Variants in RNF13 observed in about 807,000 individuals in gnomAD.
The protein encoded by RNF13 is ring finger protein 13, also known as E3 ubiquitin-protein ligase RNF13.
A neutral mutation model predicts 37.7 loss-of-function variants in RNF13; 19 were observed. The ratio of observed to expected loss-of-function variants is 0.50; its 90% CI spans 0.35 to 0.74. The LOEUF is 0.74. RNF13 is among the 30% of genes least tolerant of loss of function. The pLI, the probability that RNF13 is intolerant of heterozygous loss-of-function variation, is 0.01. For missense variants in RNF13, 375 were observed against 453.0 expected (o/e 0.83, Z 1.56); for synonymous variants, 144 against 157.8 (o/e 0.91, Z 0.65).
intron 1 of RNF13, among the ~76,000 whole-genome samples, chr3:149,822,927 GT>G (rs1157382084): frequency 9.9e-5 from 15 of 152,018 alleles, no homozygotes; most frequent in African/African-American, 3.6e-4. Context: ...ATATACATTA[GT>G]TTTTCTGTTT....
intron 4 of RNF13, among the ~76,000 whole-genome samples, chr3:149,875,885 C>G (rs1434907400): frequency 1.6e-3 from 3 of 1,878 alleles, no homozygotes; most frequent in African/African-American, 0.011. Context: ...TGATGCTGTT[C>G]TTTACTGTGA....
At chr3:149,879,825 A>G (rs1713174767) in intron 4 of RNF13, among the ~76,000 whole-genome samples, 1 of 152,212 alleles carries the variant, frequency 6.6e-6, no homozygotes, top group Admixed American at 6.5e-5. Context: ...GTCTCTTTGT[A>G]AGGCCAGAAC....
intron 1 of RNF13, among the ~76,000 whole-genome samples, chr3:149,819,192 A>G (rs1053060577): frequency 6.6e-6 from 1 of 152,252 alleles, no homozygotes; most frequent in Admixed American, 6.5e-5. Flanking sequence ...TCACTAACGT[A>G]GATAATATAG....
Position 149,814,203 on chromosome 3 carries a change from A to G in RNF13, c.-17+850A>G, listed in dbSNP as rs538932087. The G allele has an allele frequency of 3.9e-5, 6 of 152,342 alleles. No individual in the cohort carries two copies. The South Asian group carries it at 1.2e-3, about 32-fold the overall frequency. 9.4% of individuals were successfully genotyped at this position (152,342 alleles called of 1,614,324 possible). ...CAGCAGAAACAGTGAAAACTGATGC[A>G]TTCCTTTCAACAATGATGTGTTTGT... On this transcript the variant is annotated intron_variant, in intron 1 of 9. Transcript: ENST00000392894.
intron 4 of RNF13, 117 bp from the exon 5 acceptor site, chr3:149,895,356 G>C (rs752657772): frequency 2.1e-4 from 132 of 626,998 alleles, no homozygotes; most frequent in East Asian, 1.1e-3. Context: ...TCCTTTTAAT[G>C]TTTTAGCTTG....
intron 4 of RNF13, among the ~76,000 whole-genome samples, chr3:149,873,973 T>G (rs544749377): frequency 6.6e-6 from 1 of 152,304 alleles, no homozygotes; most frequent in African/African-American, 2.4e-5. Context: ...TGTAATAGTC[T>G]TTTGCTTATG....
At chr3:149,942,563 C>T (rs1194414795) in intron 8 of RNF13, among the ~76,000 whole-genome samples, 1 of 152,018 alleles carries the variant, frequency 6.6e-6, no homozygotes, top group Non-Finnish European at 1.5e-5. Flanking sequence ...TATAGAAATG[C>T]AATTTTTGAA....
intron 8 of RNF13, among the ~76,000 whole-genome samples, chr3:149,944,606 C>A (rs1423317695): frequency 6.6e-6 from 1 of 152,204 alleles, no homozygotes; most frequent in Non-Finnish European, 1.5e-5. Flanking sequence ...TCAATGTCTT[C>A]TTTTGAAAAG....
Position 149,886,653 on chromosome 3 carries a change from A to G in RNF13, c.322-8820A>G, listed in dbSNP as rs541088176. On this transcript the variant is annotated intron_variant, in intron 4 of 9. Transcript: ENST00000392894. ...CTGTACAATACTAAATAGAAGGGCC[A>G]AGAGTGGAATTCTTGTCTTTCTGAT... Among the ~76,000 whole-genome samples the G allele has an allele frequency of 2.2e-4, 33 of 152,298 alleles. 1 individual carries two copies. In the East Asian group the frequency reaches 6.4e-3, roughly 29 times the overall value.
In RNF13 at chr3:149,960,121, C is replaced by G; in HGVS notation, c.766C>G (p.Leu256Val). The G allele has an allele frequency of 6.2e-7, 1 of 1,606,556 alleles. No individual in the cohort carries two copies. Among genetic ancestry groups the G allele is most frequent in the Non-Finnish European group, 8.5e-7 (1 of 1,173,210 alleles). Residue 256 changes from leucine (L) to valine (V), a missense_variant, in exon 9 of 10, where the codon CTT (leucine) becomes GTT (valine). Leu to Val is a conservative substitution (Grantham distance 32, BLOSUM62 1). Coordinates refer to ENST00000392894, the MANE Select transcript of RNF13 (RefSeq NM_183381.3). ...TGAAGATGGAGACAAACTCAGAATC[C>G]TTCCCTGTTCCCATGGTATGAGTAA... ...EYEDGDKLRI[L>V]PCSHAYHCKC...
At chr3:149,921,793 A>T (rs998291428) in intron 8 of RNF13, among the ~76,000 whole-genome samples, 27 of 152,302 alleles carry the variant, frequency 1.8e-4, no homozygotes, top group Non-Finnish European at 2.5e-4. Flanking sequence ...AGCATGATTT[A>T]TAATCATTTG....
intron 1 of RNF13, among the ~76,000 whole-genome samples, chr3:149,821,140 G>C (rs1012849224): frequency 7.2e-5 from 11 of 152,104 alleles, no homozygotes; most frequent in Admixed American, 5.9e-4. Flanking sequence ...TTGTGTCCAA[G>C]GATTTATTTG....
intron 5 of RNF13, among the ~76,000 whole-genome samples, chr3:149,900,631 T>C: frequency 6.6e-6 from 1 of 152,240 alleles, no homozygotes; most frequent in African/African-American, 2.4e-5. Flanking sequence ...TCTGTATTTA[T>C]TGACATAACA....
chr3:149,832,588 C>G (rs1721172308), intron 1 of RNF13, among the ~76,000 whole-genome samples: 1 of 151,928 alleles, frequency 6.6e-6, no homozygotes, highest in South Asian at 2.1e-4. Context: ...AAAACTCAGC[C>G]AAACCAACAA....
At chr3:149,813,601 C>A (rs1465721737) in intron 1 of RNF13, among the ~76,000 whole-genome samples, 1 of 152,198 alleles carries the variant, frequency 6.6e-6, no homozygotes, top group South Asian at 2.1e-4. Context: ...GTTGAGTTAC[C>A]GGTTTTGCTT....
chr3:149,851,262 C>T lies in RNF13; in HGVS notation c.115-1254C>T, dbSNP rs1239028728. ...TGACAGTGTGGTATGGTTACCAGGA[C>T]CTGAGTTGACGGTGAGCCAAGGAGA... On this transcript the variant is annotated intron_variant, in intron 2 of 9. Coordinates refer to ENST00000392894, the MANE Select transcript of RNF13 (RefSeq NM_183381.3). The T allele has an allele frequency of 2.0e-5, 3 of 152,200 alleles. No homozygotes were observed. In the East Asian group the frequency reaches 5.8e-4, roughly 29 times the overall value. 9.4% of individuals were successfully genotyped at this position (152,200 alleles called of 1,614,324 possible).
Position 149,950,473 on chromosome 3 carries a change from CT to C in RNF13, c.701-9576del, listed in dbSNP as rs551280564. On this transcript the variant is annotated intron_variant, in intron 8 of 9. Transcript: ENST00000392894. ...TATAGTTTTATAATTATATCTGAAC[CT>C]TTTTTTAAAATTAGGACAGAGCGAA... 1.6e-4 allele frequency among the ~76,000 whole-genome samples: 24 copies of C among 152,126 alleles called. 1 individual carries two copies. The East Asian group carries it at 3.7e-3, about 23-fold the overall frequency.
At chr3:149,913,427 G>T (rs945400270) in intron 7 of RNF13, among the ~76,000 whole-genome samples, 5 of 152,026 alleles carry the variant, frequency 3.3e-5, no homozygotes, top group Non-Finnish European at 7.4e-5. Flanking sequence ...CTACTTTCCC[G>T]CATTGTTAAC....
At chr3:149,930,092 A>AT (rs565486864) in intron 8 of RNF13, among the ~76,000 whole-genome samples, 25 of 151,916 alleles carry the variant, frequency 1.6e-4, no homozygotes, top group African/African-American at 4.3e-4. Flanking sequence ...TGCCTGTCTA[A>AT]TTTTTTTTGT....
Sources: gnomAD v4.1 joint callset for allele counts (sites outside exome capture counted in the v4.1 genomes callset) on GRCh38, gnomAD v4.1.1 for gene constraint, MANE v1.5 for transcripts, NCBI Gene and HGNC (gene_info 2026-07-23, HGNC 2026-07-21) for gene names.